NDUFV2: variants seen among roughly 807,000 people sequenced by gnomAD.
The protein encoded by NDUFV2 is NADH dehydrogenase [ubiquinone] flavoprotein 2, mitochondrial.
Under a neutral mutation model 31.6 loss-of-function variants are expected in NDUFV2, and 18 were observed. The observed-to-expected ratio is 0.57, with a 90% confidence interval of 0.39 to 0.84. NDUFV2 has a LOEUF of 0.84. Ranked by LOEUF, NDUFV2 falls within the 40% of genes least tolerant of loss-of-function variation. NDUFV2 has a pLI of 0.00. For synonymous variants in NDUFV2, 83 were observed against 99.8 expected (o/e 0.83, Z 1.01); for missense variants, 314 against 303.6 (o/e 1.03, Z -0.26).
chr18:9,119,249 AATAGT>A (rs1286351029), intron 2 of NDUFV2, 72 bp from the exon 3 acceptor site: 2 of 1,079,534 alleles, frequency 1.9e-6, no homozygotes, highest in Admixed American at 1.7e-5. Flanking sequence ...AACAATAAGT[AATAGT>A]ATAGTAATGT....
intron 7 of NDUFV2, 65 bp downstream of exon 7, chr18:9,126,972 G>T: frequency 7.4e-7 from 1 of 1,348,054 alleles, no homozygotes; most frequent in Non-Finnish European, 1.1e-6. Context: ...AGATAAACTT[G>T]ATTTAAAAAA....
At chr18:9,125,008 T>G (rs776222829) in intron 6 of NDUFV2, 25 bp downstream of exon 6, 2 of 1,607,144 alleles carry the variant, frequency 1.2e-6, no homozygotes, top group Non-Finnish European at 1.7e-6. Context: ...TAATACAAGT[T>G]AAAGTTGTAT....
intron 1 of NDUFV2, among the ~76,000 whole-genome samples, chr18:9,111,626 A>T (rs1365672732): frequency 4.6e-5 from 7 of 151,940 alleles, no homozygotes. Context: ...ATGGGGTCTC[A>T]TCATGTTGGC....
chr18:9,109,794 T>G (rs888238507), intron 1 of NDUFV2, among the ~76,000 whole-genome samples: 4 of 152,152 alleles, frequency 2.6e-5, no homozygotes, highest in African/African-American at 7.2e-5. Context: ...CGAAAAAAAG[T>G]ATGTAGAAGA....
Position 9,104,680 on chromosome 18 carries a change from TTCTC to T in NDUFV2, c.54+1890_54+1893del, listed in dbSNP as rs1369955901. ...TTTCTCTCCCTCCCTCCTTCCTTCC[TTCTC>T]TCTCTCCATCCGTCTCCCCTTCTCC... On this transcript the variant is annotated intron_variant, in intron 1 of 7. Coordinates refer to ENST00000318388, the MANE Select transcript of NDUFV2 (RefSeq NM_021074.5). 1.2e-4 allele frequency among the ~76,000 whole-genome samples: 18 copies of T among 151,976 alleles called. 1 individual carries two copies. Among genetic ancestry groups the T allele is most frequent in the East Asian group, 9.7e-4 (5 of 5,150 alleles).
intron 6 of NDUFV2, 37 bp from the exon 7 acceptor site, chr18:9,126,794 G>A: frequency 6.6e-7 from 1 of 1,526,190 alleles, no homozygotes; most frequent in Non-Finnish European, 9.1e-7. Flanking sequence ...ATAAAAGAAA[G>A]TAATTTAAAT....
rs1299702824 is a variant in NDUFV2, at chr18:9,102,781, G to A, written c.38G>A (p.Gly13Asp). The A allele has an allele frequency of 1.3e-6, 2 of 1,578,754 alleles. No homozygotes were observed. The highest frequency in any genetic ancestry group is 4.5e-4 in the Middle Eastern group (2 of 4,478). The change falls in exon 1 of 8, where the codon GGC becomes GAC. Residue 13 changes from glycine (G) to aspartate (D), a missense_variant. Gly to Asp is a moderately conservative substitution (Grantham distance 94). Coordinates refer to ENST00000318388, the MANE Select transcript of NDUFV2 (RefSeq NM_021074.5). ...GCGGCGCTCCGGGCCCGGGCGGCTG[G>A]CCTCACCGCCCACTGGGTAAGGAGG... ...FSAALRARAA[G>D]LTAHWGRHVR...
At chr18:9,130,934 A>G (rs186715671) in intron 7 of NDUFV2, among the ~76,000 whole-genome samples, 1 of 152,322 alleles carries the variant, frequency 6.6e-6, no homozygotes, top group African/African-American at 2.4e-5. Flanking sequence ...TGGTAAGATA[A>G]TACAGTTGAC....
At chr18:9,112,241 A>G (rs892609038) in intron 1 of NDUFV2, among the ~76,000 whole-genome samples, 4 of 151,108 alleles carry the variant, frequency 2.6e-5, no homozygotes, top group Non-Finnish European at 5.9e-5. Context: ...CTGATCTCGA[A>G]CTCCTGACTT....
chr18:9,111,529 A>G (rs1342555324), intron 1 of NDUFV2, among the ~76,000 whole-genome samples: 2 of 151,608 alleles, frequency 1.3e-5, no homozygotes, highest in East Asian at 3.9e-4. Context: ...CCTGAGTTCA[A>G]GCGATTCTCC....
rs531825758 is a variant in NDUFV2 at position 9,128,181 on chromosome 18, C to T, written c.656+1274C>T. 1.6e-3 allele frequency among the ~76,000 whole-genome samples: 246 copies of T among 152,214 alleles called. 2 individuals are homozygous for T. Among genetic ancestry groups the T allele is most frequent in the African/African-American group, 5.7e-3 (235 of 41,530 alleles). ...ACATTTGGAGTTTTTGATGTCCATA[C>T]GGTATTCTAATGTTTTAAAACAGCT... is the stretch of plus-strand genomic sequence containing the variant. On this transcript the variant is annotated intron_variant, in intron 7 of 7. Coordinates refer to ENST00000318388, the MANE Select transcript of NDUFV2 (RefSeq NM_021074.5).
intron 4 of NDUFV2, among the ~76,000 whole-genome samples, chr18:9,121,645 T>G (rs776062761): frequency 7.2e-5 from 11 of 152,218 alleles, no homozygotes; most frequent in South Asian, 4.1e-4. Context: ...ATAGTAAGTC[T>G]TAATGATAAT....
At chr18:9,114,521 T>TTA (rs971506216) in intron 1 of NDUFV2, among the ~76,000 whole-genome samples, 1 of 151,550 alleles carries the variant, frequency 6.6e-6, no homozygotes, top group Admixed American at 6.6e-5. Flanking sequence ...GCTTTACAGG[T>TTA]TATATAGTAC....
At chr18:9,121,932 A>T (rs2077939471) in intron 4 of NDUFV2, among the ~76,000 whole-genome samples, 1 of 151,932 alleles carries the variant, frequency 6.6e-6, no homozygotes, top group East Asian at 1.9e-4. Flanking sequence ...CTGGGAGAGG[A>T]GTGTGTGATT....
Position 9,134,220 on chromosome 18 carries a change from C to G in NDUFV2, c.691C>G (p.Leu231Val). ...CTTCTCTTGTGAGCCAGCTGGAGGT[C>G]TTACCTCTTTGACTGAACCACCCAA... Reference protein sequence around the residue: ...GRFSCEPAGGLTSLTEPPKGP... With the variant: ...GRFSCEPAGGVTSLTEPPKGP... Residue 231 changes from leucine to valine, a missense_variant, in exon 8 of 8, where the codon CTT becomes GTT. Transcript: ENST00000318388. 6.2e-7 allele frequency: 1 copy of G among 1,613,388 alleles called. No individual in the cohort carries two copies.
intron 1 of NDUFV2, 137 bp from the exon 2 acceptor site, chr18:9,117,701 A>G: frequency 1.6e-6 from 1 of 616,018 alleles, no homozygotes; most frequent in Non-Finnish European, 3.0e-6. Flanking sequence ...AGAGATGGAT[A>G]GGGTAGAATA....
At chr18:9,112,951 A>G (rs933431375) in intron 1 of NDUFV2, among the ~76,000 whole-genome samples, 4 of 152,222 alleles carry the variant, frequency 2.6e-5, no homozygotes, top group Non-Finnish European at 5.9e-5. Context: ...ATGTTAACCC[A>G]TGATACATCC....
At chr18:9,111,129 T>A (rs1273868417) in intron 1 of NDUFV2, among the ~76,000 whole-genome samples, 2 of 152,170 alleles carry the variant, frequency 1.3e-5, no homozygotes, top group Non-Finnish European at 2.9e-5. Context: ...AGCTTTGATG[T>A]CATCAAACAG....
chr18:9,123,513 G>A (rs72935228), intron 5 of NDUFV2, among the ~76,000 whole-genome samples: 3,853 of 151,406 alleles, frequency 0.025, 81 homozygotes, highest in Non-Finnish European at 0.041. Flanking sequence ...TTGAGTTGAG[G>A]TCTCACTTTG....
Sources: gnomAD v4.1 joint callset for allele counts (sites outside exome capture counted in the v4.1 genomes callset) on GRCh38, gnomAD v4.1.1 for gene constraint, MANE v1.5 for transcripts, NCBI Gene and HGNC (gene_info 2026-07-23, HGNC 2026-07-21) for gene names.